Variants in MAPK10 observed in about 807,000 individuals in gnomAD.
The protein encoded by MAPK10 is JNK3 alpha protein kinase.
Under a neutral mutation model 59.3 loss-of-function variants are expected in MAPK10, and 25 were observed. That is an observed-to-expected ratio of 0.42 (90% CI 0.31 to 0.59). The LOEUF (loss-of-function observed/expected upper bound fraction) is 0.59, where lower values mean the gene tolerates loss of function less well. Among genes scored for constraint, MAPK10 ranks in the 20% least tolerant of loss-of-function variants. The probability of loss-of-function intolerance (pLI) is 0.15; values close to 1 mark genes in which losing one functional copy is unlikely to be tolerated. For missense variants in MAPK10, 351 were observed against 568.9 expected (o/e 0.62, Z 3.90); for synonymous variants, 190 against 200.5 (o/e 0.95, Z 0.44).
intron 1 of MAPK10, among the ~76,000 whole-genome samples, chr4:86,463,499 A>G (rs1232105196): frequency 6.6e-6 from 1 of 152,180 alleles, no homozygotes; most frequent in African/African-American, 2.4e-5. Flanking sequence ...GCCTCCACTC[A>G]AGAAATATTA....
intron 9 of MAPK10, among the ~76,000 whole-genome samples, chr4:86,085,589 G>C (rs1356438655): frequency 1.3e-5 from 2 of 152,030 alleles, no homozygotes; most frequent in African/African-American, 4.8e-5. Flanking sequence ...TCCAAAAACA[G>C]GCAACAACAA....
chr4:86,112,783 T>C (rs1016498033), intron 4 of MAPK10, among the ~76,000 whole-genome samples: 8 of 152,196 alleles, frequency 5.3e-5, no homozygotes, highest in African/African-American at 1.9e-4. Context: ...ATTTTTTGTC[T>C]CGATGATCTG....
intron 11 of MAPK10, among the ~76,000 whole-genome samples, chr4:86,043,294 G>A (rs2041921447): frequency 6.6e-6 from 1 of 152,168 alleles, no homozygotes; most frequent in Admixed American, 6.5e-5. Context: ...GGCTGCAGGA[G>A]AACAGGTGTG....
At chr4:86,359,346 C>T (rs535042928) in intron 1 of MAPK10, among the ~76,000 whole-genome samples, 1 of 146,608 alleles carries the variant, frequency 6.8e-6, no homozygotes, top group East Asian at 2.0e-4. Context: ...CTCTCTCTCC[C>T]TTCCCTTCTG....
At position 86,342,760 on chromosome 4, in the gene MAPK10, T is replaced by C. The variant is rs1157860658; in HGVS notation, c.-7+11770A>G. ...TTCTTACTCCAAATTATCTGAGACA[T>C]TGGGGCCTTCTTTAACAATGAGACC... On this transcript the variant is annotated intron_variant, in intron 2 of 13. Coordinates refer to ENST00000641462, the MANE Select transcript of MAPK10 (RefSeq NM_138982.4). Among the ~76,000 whole-genome samples the C allele has an allele frequency of 4.6e-5, 7 of 152,170 alleles. No homozygotes were observed. In the South Asian group the frequency reaches 6.2e-4, roughly 14 times the overall value.
chr4:86,074,969 G>C (rs1222695506), intron 9 of MAPK10, among the ~76,000 whole-genome samples: 2 of 144,502 alleles, frequency 1.4e-5, no homozygotes, highest in East Asian at 2.0e-4. Context: ...AGTTCTCCTG[G>C]ATAATATCCT....
chr4:86,149,073 T>C (rs1480622547), intron 4 of MAPK10, among the ~76,000 whole-genome samples: 1 of 152,290 alleles, frequency 6.6e-6, no homozygotes, highest in East Asian at 1.9e-4. Context: ...ATGTGCTAGA[T>C]TCATTCCATT....
chr4:86,294,495 A>G (rs2095307094), intron 2 of MAPK10, among the ~76,000 whole-genome samples: 1 of 152,148 alleles, frequency 6.6e-6, no homozygotes, highest in Admixed American at 6.5e-5. Context: ...CCCATGAGGG[A>G]TTAACAGCCC....
chr4:86,104,320 T>C (rs1241406273), intron 5 of MAPK10, among the ~76,000 whole-genome samples: 1 of 152,138 alleles, frequency 6.6e-6, no homozygotes, highest in African/African-American at 2.4e-5. Flanking sequence ...TGTTGTAATA[T>C]AGTTTTAAAA....
chr4:86,372,564 G>GAAAGAAAGAAAGGA lies in MAPK10; in HGVS notation c.-121-17921_-121-17920insTCCTTTCTTTCTTT. ...AGAAAGAAAGAAAGAAAGAAAGAAA[G>GAAAGAAAGAAAGGA]AAAGAAAAGAAAAGAAAAGAAAAGA... On this transcript the variant is annotated intron_variant, in intron 1 of 13. Transcript: ENST00000361569. Among the ~76,000 whole-genome samples the GAAAGAAAGAAAGGA allele has an allele frequency of 7.2e-3, 565 of 78,684 alleles. 24 individuals are homozygous for GAAAGAAAGAAAGGA. Among genetic ancestry groups the GAAAGAAAGAAAGGA allele is most frequent in the Admixed American group, 0.042 (305 of 7,282 alleles). 51.6% of individuals were successfully genotyped at this position (78,684 alleles called of 152,430 possible).
At chr4:86,230,277 G>A (rs2091352971) in intron 2 of MAPK10, among the ~76,000 whole-genome samples, 1 of 152,094 alleles carries the variant, frequency 6.6e-6, no homozygotes, top group Admixed American at 6.6e-5. Flanking sequence ...CCTTTAAAAG[G>A]GAAATGAAGC....
At chr4:86,174,473 T>G (rs1048381443) in intron 3 of MAPK10, among the ~76,000 whole-genome samples, 2 of 151,114 alleles carry the variant, frequency 1.3e-5, no homozygotes, top group African/African-American at 2.4e-5. Flanking sequence ...GTCAGGGGGG[T>G]GGTGGAAGGG....
chr4:86,396,598 A>T (rs903501127), intron 1 of MAPK10, among the ~76,000 whole-genome samples: 3 of 152,250 alleles, frequency 2.0e-5, no homozygotes, highest in African/African-American at 7.2e-5. Context: ...TATAAAGAAA[A>T]GAGATTTAAT....
At chr4:86,392,683 G>C (rs991355156) in intron 1 of MAPK10, among the ~76,000 whole-genome samples, 8 of 152,134 alleles carry the variant, frequency 5.3e-5, no homozygotes, top group Non-Finnish European at 1.2e-4. Context: ...TAAGGATAGT[G>C]TCAGATACAT....
rs1424861034 is a variant in MAPK10, at chr4:86,012,998, A to C, written c.*4230T>G. ...GCAAGATGGACATGGCAAGGTGAAC[A>C]GATAATCCTACATAAGGATTGGGAG... On this transcript the variant is annotated 3_prime_UTR_variant, in exon 14 of 14. Transcript: ENST00000641462. 1.3e-5 allele frequency: 2 copies of C among 152,222 alleles called. No individual in the cohort carries two copies. Among genetic ancestry groups the C allele is most frequent in the Non-Finnish European group, 2.9e-5 (2 of 68,038 alleles). The allele number at this position is 152,222 out of a possible 1,614,324, so 9.4% of individuals were successfully genotyped here.
At chr4:86,319,207 G>T (rs1022555462) in intron 2 of MAPK10, among the ~76,000 whole-genome samples, 1 of 152,088 alleles carries the variant, frequency 6.6e-6, no homozygotes, top group Admixed American at 6.6e-5. Context: ...GAGAACTAGG[G>T]AACACAAGAG....
At chr4:86,522,261 G>A (rs895687873) in intron 1 of MAPK10, among the ~76,000 whole-genome samples, 8 of 152,072 alleles carry the variant, frequency 5.3e-5, no homozygotes, top group Admixed American at 2.6e-4. Context: ...CTTGAAAGTA[G>A]GTGTCAAGAA....
chr4:86,410,641 G>T (rs781299395), intron 1 of MAPK10, among the ~76,000 whole-genome samples: 1 of 152,152 alleles, frequency 6.6e-6, no homozygotes, highest in Admixed American at 6.5e-5. Flanking sequence ...GAGTGTGTAT[G>T]TGTCCAGGAA....
chr4:86,198,854 G>T (rs1184229770), intron 2 of MAPK10, among the ~76,000 whole-genome samples: 1 of 151,562 alleles, frequency 6.6e-6, no homozygotes, highest in Admixed American at 6.6e-5. Flanking sequence ...TCTATAAAAA[G>T]CTCCTTAAAA....
Sources: allele counts gnomAD v4.1 joint callset (sites outside exome capture counted in the v4.1 genomes callset), GRCh38; gene constraint gnomAD v4.1.1; transcripts MANE v1.5; gene names NCBI Gene and HGNC (gene_info 2026-07-23, HGNC 2026-07-21).